The following AKAP6 variants were observed in gnomAD, a reference collection of about 807,000 sequenced individuals.
AKAP6 encodes A-kinase anchoring protein 6, also known as A-kinase anchor protein 6.
A neutral mutation model predicts 188.5 loss-of-function variants in AKAP6; 58 were observed. The observed-to-expected ratio is 0.31, with a 90% CI of 0.25 to 0.38. The LOEUF is 0.38. Ranked by LOEUF, AKAP6 falls within the 10% of genes least tolerant of loss-of-function variation. The pLI is 1.00. For missense variants in AKAP6, 2,710 were observed against 2,740.0 expected (o/e 0.99, Z 0.24); for synonymous variants, 989 against 998.6 (o/e 0.99, Z 0.18).
intron 13 of AKAP6, among the ~76,000 whole-genome samples, chr14:32,826,846 TTTG>T (rs1057379656): frequency 1.3e-5 from 2 of 152,210 alleles, no homozygotes; most frequent in African/African-American, 4.8e-5. Context: ...AGCAGTATTT[TTTG>T]TTAAGCCCCG....
rs77908075 is a variant in AKAP6 at position 32,478,498 on chromosome 14, G to A, written c.324+44681G>A. On this transcript the variant is annotated intron_variant, in intron 2 of 13. Coordinates refer to ENST00000280979, the MANE Select transcript of AKAP6 (RefSeq NM_004274.5). ...ATCAAAGATGGGCTAAATGTCTTCC[G>A]AGGGAAAACCAAATGTGGTAAAAGA... Among the ~76,000 whole-genome samples the A allele has an allele frequency of 5.1e-3, 769 of 152,250 alleles. 18 individuals carry two copies. The highest frequency in any genetic ancestry group is 0.029 in the Admixed American group (448 of 15,284).
chr14:32,728,726 T>A (rs755336627), intron 9 of AKAP6, among the ~76,000 whole-genome samples: 51 of 152,328 alleles, frequency 3.3e-4, no homozygotes, highest in Non-Finnish European at 5.9e-4. Flanking sequence ...CTTTTCAGCA[T>A]AACCAACAGA....
At chr14:32,512,178 GT>G (rs1379654511) in intron 2 of AKAP6, among the ~76,000 whole-genome samples, 2 of 152,160 alleles carry the variant, frequency 1.3e-5, no homozygotes, top group Non-Finnish European at 2.9e-5. Flanking sequence ...GTTGATTAAT[GT>G]TGAAAGAAAT....
chr14:32,428,174 G>A (rs1890096265), intron 1 of AKAP6, among the ~76,000 whole-genome samples: 2 of 152,258 alleles, frequency 1.3e-5, no homozygotes, highest in Non-Finnish European at 2.9e-5. Flanking sequence ...GGGTTTTTGA[G>A]AGTAAAGTCT....
intron 1 of AKAP6, among the ~76,000 whole-genome samples, chr14:32,360,615 G>A (rs180783101): frequency 6.6e-6 from 1 of 151,690 alleles, no homozygotes; most frequent in Non-Finnish European, 1.5e-5. Context: ...TATCAGTATA[G>A]GCTCACGGAT....
chr14:32,409,507 A>C (rs749566367), intron 1 of AKAP6, among the ~76,000 whole-genome samples: 1 of 152,192 alleles, frequency 6.6e-6, no homozygotes, highest in Admixed American at 6.5e-5. Context: ...TCTTCTTCAA[A>C]AAACAGTAGC....
chr14:32,667,932 T>C (rs1030750037), intron 7 of AKAP6, among the ~76,000 whole-genome samples: 1 of 152,140 alleles, frequency 6.6e-6, no homozygotes, highest in African/African-American at 2.4e-5. Context: ...GCCAGCATAA[T>C]TGTACTTAGG....
chr14:32,818,104 C>T (rs2034433597), intron 12 of AKAP6, among the ~76,000 whole-genome samples: 1 of 152,076 alleles, frequency 6.6e-6, no homozygotes, highest in Non-Finnish European at 1.5e-5. Flanking sequence ...GTGAGTAGCA[C>T]TTCTTTAATA....
chr14:32,719,200 T>C (rs1387161886), intron 9 of AKAP6, among the ~76,000 whole-genome samples: 1 of 152,184 alleles, frequency 6.6e-6, no homozygotes, highest in Non-Finnish European at 1.5e-5. Context: ...AAAGGTATAA[T>C]GGCACTTGCA....
At chr14:32,577,736 A>G (rs1884793236) in intron 5 of AKAP6, among the ~76,000 whole-genome samples, 1 of 152,154 alleles carries the variant, frequency 6.6e-6, no homozygotes, top group South Asian at 2.1e-4. Context: ...TTTTCAGCAT[A>G]TAATTAATAC....
intron 5 of AKAP6, among the ~76,000 whole-genome samples, chr14:32,582,684 A>G (rs1885033868): frequency 1.3e-5 from 2 of 151,934 alleles, no homozygotes; most frequent in South Asian, 2.1e-4. Context: ...GGCTTTGTTC[A>G]TTTCTTTTTA....
intron 12 of AKAP6, among the ~76,000 whole-genome samples, chr14:32,778,301 G>C (rs568056997): frequency 6.6e-6 from 1 of 151,960 alleles, no homozygotes; most frequent in Admixed American, 6.6e-5. Flanking sequence ...AATTTTTTTT[G>C]TATTATTTAA....
At chr14:32,329,454 G>A (rs948210110) in intron 1 of AKAP6, 46 bp downstream of exon 1, 1 of 152,152 alleles carries the variant, frequency 6.6e-6, no homozygotes. Context: ...TGTTTTGTTG[G>A]TTAGTCGGTG....
chr14:32,656,089 A>G (rs1201327914), intron 7 of AKAP6, among the ~76,000 whole-genome samples: 1 of 152,216 alleles, frequency 6.6e-6, no homozygotes, highest in Non-Finnish European at 1.5e-5. Context: ...TTAAAAGTAG[A>G]ATACCAACAG....
intron 7 of AKAP6, among the ~76,000 whole-genome samples, chr14:32,638,656 C>G (rs1157267387): frequency 1.3e-5 from 2 of 151,626 alleles, no homozygotes; most frequent in Non-Finnish European, 2.9e-5. Context: ...TTTCTCTTTC[C>G]CTCTCTTTTT....
At chr14:32,533,366 G>A (rs554830965) in intron 2 of AKAP6, among the ~76,000 whole-genome samples, 2 of 152,258 alleles carry the variant, frequency 1.3e-5, no homozygotes, top group Admixed American at 1.3e-4. Flanking sequence ...GTGCCAAAGT[G>A]GCTAAAAGGC....
chr14:32,407,360 C>T (rs2138636022), intron 1 of AKAP6, among the ~76,000 whole-genome samples: 1 of 152,312 alleles, frequency 6.6e-6, no homozygotes, highest in Middle Eastern at 3.4e-3. Context: ...ATCCAGTCCC[C>T]ACTGTTCTCA....
chr14:32,665,400 A>G lies in AKAP6; in HGVS notation c.2731-12911A>G, dbSNP rs190308877. On this transcript the variant is annotated intron_variant, in intron 7 of 13. Coordinates refer to ENST00000280979, the MANE Select transcript of AKAP6 (RefSeq NM_004274.5). ...ACAGAGCTCCGGGAAACACTTATTTACATTTACTGATTTATTATAAAGGAT... is the reference window on the plus strand; with the variant it reads ...ACAGAGCTCCGGGAAACACTTATTTGCATTTACTGATTTATTATAAAGGAT... Among the ~76,000 whole-genome samples the G allele has an allele frequency of 9.1e-4, 138 of 152,146 alleles. 1 individual carries two copies. Among genetic ancestry groups the G allele is most frequent in the African/African-American group, 3.2e-3 (133 of 41,470 alleles).
chr14:32,542,490 G>A (rs1198725520), intron 3 of AKAP6, among the ~76,000 whole-genome samples: 5 of 152,182 alleles, frequency 3.3e-5, no homozygotes. Context: ...TATAAATTGA[G>A]ATCAATGCTT....
Sources: gnomAD v4.1 joint callset for allele counts (sites outside exome capture counted in the v4.1 genomes callset) on GRCh38, gnomAD v4.1.1 for gene constraint, MANE v1.5 for transcripts, NCBI Gene and HGNC (gene_info 2026-07-23, HGNC 2026-07-21) for gene names.